Variants in MRPL1 observed in about 807,000 individuals in gnomAD.
MRPL1 encodes large ribosomal subunit protein uL1m.
In MRPL1, 28 loss-of-function variants were observed where a neutral mutation model predicts 38.0. The ratio of observed to expected loss-of-function variants is 0.74; its 90% confidence interval spans 0.55 to 1.01. The LOEUF (loss-of-function observed/expected upper bound fraction) is 1.01, where lower values mean the gene tolerates loss of function less well. Among genes scored for constraint, MRPL1 ranks in the 50% least tolerant of loss-of-function variants. The pLI is 0.00. For missense variants in MRPL1, 358 were observed against 389.8 expected (o/e 0.92, Z 0.69); for synonymous variants, 123 against 126.7 (o/e 0.97, Z 0.20).
intron 7 of MRPL1, among the ~76,000 whole-genome samples, chr4:77,944,999 A>G (rs562730089): frequency 1.3e-5 from 2 of 152,238 alleles, no homozygotes; most frequent in Admixed American, 6.5e-5. Context: ...GTCTCAGTTT[A>G]TAAGTGTAAA....
chr4:77,899,484 C>T (rs1017495832), intron 6 of MRPL1, among the ~76,000 whole-genome samples: 2 of 152,050 alleles, frequency 1.3e-5, no homozygotes, highest in African/African-American at 4.8e-5. Context: ...ATTAGTATTC[C>T]TTACAGCTTT....
At chr4:77,939,951 T>C (rs1299643602) in intron 7 of MRPL1, among the ~76,000 whole-genome samples, 1 of 152,214 alleles carries the variant, frequency 6.6e-6, no homozygotes. Flanking sequence ...TATGGCCTTA[T>C]AGTATAGTTT....
chr4:77,923,637 G>GA (rs1319147220), intron 7 of MRPL1, among the ~76,000 whole-genome samples: 1 of 151,848 alleles, frequency 6.6e-6, no homozygotes, highest in African/African-American at 2.4e-5. Flanking sequence ...GTGTATGTGA[G>GA]AAAAAAGTTT....
At chr4:77,944,862 G>A (rs1156299439) in intron 7 of MRPL1, among the ~76,000 whole-genome samples, 1 of 152,058 alleles carries the variant, frequency 6.6e-6, no homozygotes, top group Non-Finnish European at 1.5e-5. Context: ...TGTAATAGCT[G>A]TGTCCAGAGT....
chr4:77,928,784 C>G (rs1206920151), intron 7 of MRPL1, among the ~76,000 whole-genome samples: 1 of 151,974 alleles, frequency 6.6e-6, no homozygotes, highest in Non-Finnish European at 1.5e-5. Flanking sequence ...TATTTTTGAT[C>G]AAAAACTATT....
chr4:77,874,906 C>T (rs538184746), intron 2 of MRPL1, among the ~76,000 whole-genome samples: 66 of 151,448 alleles, frequency 4.4e-4, no homozygotes, highest in Non-Finnish European at 8.4e-4. Context: ...CTCAGCCTCC[C>T]GAGTAGCTGG....
intron 7 of MRPL1, among the ~76,000 whole-genome samples, chr4:77,910,802 G>A (rs1736269549): frequency 6.6e-6 from 1 of 152,108 alleles, no homozygotes; most frequent in African/African-American, 2.4e-5. Context: ...AATCTAGTTG[G>A]GGAAACCCCA....
chr4:77,872,593 C>T (rs879853824), intron 2 of MRPL1, among the ~76,000 whole-genome samples: 5 of 152,132 alleles, frequency 3.3e-5, no homozygotes, highest in South Asian at 2.1e-4. Flanking sequence ...TAGCGGGCAC[C>T]GTGGCTCACA....
At chr4:77,907,062 C>A (rs1560467123) in intron 6 of MRPL1, 2 of 985,250 alleles carry the variant, frequency 2.0e-6, no homozygotes, top group East Asian at 1.1e-4. Flanking sequence ...GCCGTGCTCT[C>A]TATGTAATGA....
intron 3 of MRPL1, among the ~76,000 whole-genome samples, chr4:77,884,244 C>CAAAA (rs369596317): frequency 2.2e-5 from 2 of 89,128 alleles, no homozygotes; most frequent in Non-Finnish European, 4.8e-5. Flanking sequence ...GACTCCATCT[C>CAAAA]AAAAAAAAAA....
chr4:77,875,610 C>T (rs1350457257), intron 2 of MRPL1, among the ~76,000 whole-genome samples: 1 of 151,828 alleles, frequency 6.6e-6, no homozygotes, highest in Non-Finnish European at 1.5e-5. Context: ...CAAGATCGCG[C>T]CACTGCCCTC....
chr4:77,896,149 C>CA (rs966685360), intron 6 of MRPL1, among the ~76,000 whole-genome samples: 5 of 127,450 alleles, frequency 3.9e-5, no homozygotes, highest in Admixed American at 2.3e-4. Flanking sequence ...TTTTAGCTTC[C>CA]TTTTTTTTTT....
intron 6 of MRPL1, among the ~76,000 whole-genome samples, chr4:77,901,548 T>TG (rs1165795589): frequency 6.6e-6 from 1 of 151,554 alleles, no homozygotes; most frequent in Non-Finnish European, 1.5e-5. Context: ...AGTAAAATGG[T>TG]GGATAAAAAT....
chr4:77,896,030 A>G (rs1453394406), intron 6 of MRPL1, among the ~76,000 whole-genome samples: 3 of 152,102 alleles, frequency 2.0e-5, no homozygotes, highest in Admixed American at 1.3e-4. Flanking sequence ...AATGAATACT[A>G]ATATGTTTGT....
At chr4:77,919,318 T>G (rs1736508689) in intron 7 of MRPL1, among the ~76,000 whole-genome samples, 1 of 152,328 alleles carries the variant, frequency 6.6e-6, no homozygotes, top group East Asian at 1.9e-4. Context: ...CACTTCTAAG[T>G]GTAATCGAAG....
intron 2 of MRPL1, among the ~76,000 whole-genome samples, chr4:77,880,722 T>C (rs1464858186): frequency 6.6e-6 from 1 of 152,228 alleles, no homozygotes; most frequent in Non-Finnish European, 1.5e-5. Flanking sequence ...TTCAAATTCT[T>C]ATCTGCCATT....
intron 4 of MRPL1, among the ~76,000 whole-genome samples, chr4:77,886,536 G>A (rs943875016): frequency 1.3e-5 from 2 of 152,046 alleles, no homozygotes; most frequent in Non-Finnish European, 2.9e-5. Flanking sequence ...GTTTCTCCAC[G>A]TTGGTCAGGC....
At chr4:77,867,989 C>T (rs1402782032) in intron 1 of MRPL1, among the ~76,000 whole-genome samples, 1 of 151,890 alleles carries the variant, frequency 6.6e-6, no homozygotes, top group Non-Finnish European at 1.5e-5. Context: ...ATCTCCTGAC[C>T]TCGTGATCCG....
intron 7 of MRPL1, among the ~76,000 whole-genome samples, chr4:77,920,498 ATC>A (rs1736542734): frequency 6.6e-6 from 1 of 152,204 alleles, no homozygotes; most frequent in African/African-American, 2.4e-5. Context: ...TTGTCTTGAG[ATC>A]TGTTGCTTCA....
Sources: gnomAD v4.1 joint callset for allele counts (sites outside exome capture counted in the v4.1 genomes callset) on GRCh38, gnomAD v4.1.1 for gene constraint, MANE v1.5 for transcripts, NCBI Gene and HGNC (gene_info 2026-07-23, HGNC 2026-07-21) for gene names.